Variants in PTPRD observed in about 807,000 individuals in gnomAD.
PTPRD encodes the protein receptor-type tyrosine-protein phosphatase delta.
PTPRD carries 34 observed loss-of-function variants against 214.5 expected under a neutral mutation model. The ratio of observed to expected loss-of-function variants is 0.16; its 90% CI spans 0.12 to 0.21. The LOEUF (loss-of-function observed/expected upper bound fraction) is 0.21, where lower values mean the gene tolerates loss of function less well. Among genes scored for constraint, PTPRD ranks in the 10% least tolerant of loss-of-function variants. PTPRD has a pLI of 1.00. For synonymous variants in PTPRD, 1,128 were observed against 845.7 expected, an observed-to-expected ratio of 1.33 and a Z score of -5.79; for missense variants, 2,545 against 2,398.7, an observed-to-expected ratio of 1.06 and a Z score of -1.27.
intron 3 of PTPRD, among the ~76,000 whole-genome samples, chr9:10,252,686 G>C (rs974050730): frequency 6.6e-6 from 1 of 152,132 alleles, no homozygotes; most frequent in Non-Finnish European, 1.5e-5. Flanking sequence ...TAATCACCAA[G>C]ATTTCTTTTT....
At chr9:8,761,076 G>A (rs1017579334) in intron 11 of PTPRD, among the ~76,000 whole-genome samples, 3 of 152,312 alleles carry the variant, frequency 2.0e-5, no homozygotes, top group Middle Eastern at 3.4e-3. Context: ...GCAGATGACT[G>A]TGGGATGAAG....
At chr9:9,541,044 C>G (rs900436422) in intron 8 of PTPRD, among the ~76,000 whole-genome samples, 2 of 151,690 alleles carry the variant, frequency 1.3e-5, no homozygotes, top group Admixed American at 6.6e-5. Flanking sequence ...CTAGGAGCAA[C>G]TATATCTGTA....
chr9:10,005,385 G>A (rs1461858513), intron 4 of PTPRD, among the ~76,000 whole-genome samples: 1 of 152,086 alleles, frequency 6.6e-6, no homozygotes, highest in African/African-American at 2.4e-5. Flanking sequence ...GTTCTACTGT[G>A]CTCAGTTCCT....
intron 2 of PTPRD, among the ~76,000 whole-genome samples, chr9:10,546,053 G>GA (rs140182442): frequency 0.016 from 2,374 of 152,076 alleles, 62 homozygotes; most frequent in African/African-American, 0.055. Context: ...TCTTATTCAG[G>GA]AAAGGGACAC....
intron 8 of PTPRD, among the ~76,000 whole-genome samples, chr9:9,462,456 T>G (rs543166485): frequency 6.6e-6 from 1 of 152,302 alleles, no homozygotes; most frequent in South Asian, 2.1e-4. Context: ...TAAAATTATA[T>G]GTTTAACATA....
chr9:8,648,234 G>A (rs568012176), intron 12 of PTPRD, among the ~76,000 whole-genome samples: 1 of 152,288 alleles, frequency 6.6e-6, no homozygotes, highest in African/African-American at 2.4e-5. Flanking sequence ...AAAACTGTAT[G>A]ATCTCACCAT....
At chr9:10,503,011 C>A (rs2044298384) in intron 2 of PTPRD, among the ~76,000 whole-genome samples, 1 of 151,766 alleles carries the variant, frequency 6.6e-6, no homozygotes, top group Admixed American at 6.6e-5. Flanking sequence ...ATTTTGAAAA[C>A]TTTAATCATT....
chr9:8,632,121 T>TTGTGTGTGTGTGTGTG (rs146691738), intron 14 of PTPRD, among the ~76,000 whole-genome samples: 2 of 144,610 alleles, frequency 1.4e-5, no homozygotes, highest in African/African-American at 2.6e-5. Context: ...AATTGCTTCT[T>TTGTGTGTGTGTGTGTG]TGTGTGTGTG....
At chr9:9,382,802 G>C (rs964457342) in intron 9 of PTPRD, among the ~76,000 whole-genome samples, 3 of 151,848 alleles carry the variant, frequency 2.0e-5, no homozygotes, top group Non-Finnish European at 4.4e-5. Context: ...CCTACTTCTG[G>C]ATATACATTC....
At chr9:9,211,515 G>A (rs867895273) in intron 9 of PTPRD, among the ~76,000 whole-genome samples, 10 of 143,654 alleles carry the variant, frequency 7.0e-5, no homozygotes, top group Non-Finnish European at 1.4e-4. Flanking sequence ...GTGTGCGCAC[G>A]CACACACACA....
intron 4 of PTPRD, among the ~76,000 whole-genome samples, chr9:9,993,678 T>A (rs891343497): frequency 6.6e-6 from 1 of 152,168 alleles, no homozygotes; most frequent in Non-Finnish European, 1.5e-5. Context: ...CAGGGGCTAA[T>A]ATAACAAGAG....
At chr9:9,292,092 T>G (rs943504968) in intron 9 of PTPRD, among the ~76,000 whole-genome samples, 4 of 151,332 alleles carry the variant, frequency 2.6e-5, no homozygotes, top group African/African-American at 7.3e-5. Context: ...TTGTATTATC[T>G]ATGAGACGAG....
chr9:8,763,577 T>A (rs1337785167), intron 11 of PTPRD, among the ~76,000 whole-genome samples: 1 of 151,244 alleles, frequency 6.6e-6, no homozygotes, highest in Non-Finnish European at 1.5e-5. Flanking sequence ...ACATATATAG[T>A]ATAACATAAC....
At chr9:10,057,920 T>C (rs421888) in intron 3 of PTPRD, among the ~76,000 whole-genome samples, 19,810 of 151,590 alleles carry the variant, frequency 0.13, 2,456 homozygotes, top group African/African-American at 0.33. Flanking sequence ...CACTGGCTCA[T>C]GACAGTGACA....
intron 12 of PTPRD, among the ~76,000 whole-genome samples, chr9:8,669,406 T>C (rs901046465): frequency 1.3e-5 from 2 of 152,122 alleles, no homozygotes; most frequent in Non-Finnish European, 2.9e-5. Flanking sequence ...AGACCCAATA[T>C]GCAGTCCATA....
intron 10 of PTPRD, among the ~76,000 whole-genome samples, chr9:9,117,097 G>A (rs1359888418): frequency 1.3e-5 from 2 of 152,122 alleles, no homozygotes; most frequent in Non-Finnish European, 2.9e-5. Flanking sequence ...GCAGAAGGAT[G>A]CTATCTGGAC....
chr9:10,471,648 T>C (rs562471139), intron 2 of PTPRD, among the ~76,000 whole-genome samples: 28 of 152,266 alleles, frequency 1.8e-4, no homozygotes, highest in African/African-American at 6.7e-4. Context: ...TGCTAAAACA[T>C]AATTTTATTA....
At chr9:9,484,131 A>T (rs1362768308) in intron 8 of PTPRD, among the ~76,000 whole-genome samples, 1 of 151,968 alleles carries the variant, frequency 6.6e-6, no homozygotes, top group Non-Finnish European at 1.5e-5. Context: ...AGATTGATTT[A>T]AACTAATTAT....
rs143145376 is a variant in PTPRD, at chr9:9,855,962, C to G, written c.-368+82545G>C. Among the ~76,000 whole-genome samples the G allele has an allele frequency of 3.2e-3, 487 of 152,306 alleles. 3 individuals are homozygous for G. Among genetic ancestry groups the G allele is most frequent in the African/African-American group, 0.011 (449 of 41,558 alleles). ...AGTGTGACAGCATCCTGTATCCTCA[C>G]TTGTGGCTCCAGAACTCTTGTCCAG... On this transcript the variant is annotated intron_variant, in intron 5 of 45. Coordinates refer to ENST00000381196, the MANE Select transcript of PTPRD (RefSeq NM_002839.4).
Sources: allele counts gnomAD v4.1 joint callset (sites outside exome capture counted in the v4.1 genomes callset), GRCh38; gene constraint gnomAD v4.1.1; transcripts MANE v1.5; gene names NCBI Gene and HGNC (gene_info 2026-07-23, HGNC 2026-07-21).